The following PRELID2 variants were observed in gnomAD, a reference collection of about 807,000 sequenced individuals.
PRELID2 encodes the protein PRELI domain containing 2.
A neutral mutation model predicts 28.4 loss-of-function variants in PRELID2; 25 were observed. The observed-to-expected ratio is 0.88, with a 90% CI of 0.64 to 1.23. PRELID2 has a LOEUF of 1.23. Among genes scored for constraint, PRELID2 ranks in the 50% most tolerant of loss-of-function variants. The pLI, the probability that PRELID2 is intolerant of heterozygous loss-of-function variation, is 0.00. For missense variants in PRELID2, 201 were observed against 214.4 expected, an observed-to-expected ratio of 0.94 and a Z score of 0.39; for synonymous variants, 76 against 71.6, an observed-to-expected ratio of 1.06 and a Z score of -0.31.
intron 1 of PRELID2, among the ~76,000 whole-genome samples, chr5:145,738,763 G>C (rs1237293827): frequency 6.6e-6 from 1 of 152,112 alleles, no homozygotes; most frequent in Non-Finnish European, 1.5e-5. Context: ...CTCTTTGAGT[G>C]AGTACTCAAA....
intron 1 of PRELID2, among the ~76,000 whole-genome samples, chr5:145,640,445 C>A (rs1295926511): frequency 7.2e-6 from 1 of 138,976 alleles, no homozygotes; most frequent in Non-Finnish European, 1.5e-5. Flanking sequence ...CACTGCACTC[C>A]AGCCTGGGCG....
intron 1 of PRELID2, among the ~76,000 whole-genome samples, chr5:145,511,189 C>A (rs185969465): frequency 1.3e-5 from 2 of 152,302 alleles, no homozygotes; most frequent in Admixed American, 1.3e-4. Flanking sequence ...ACACAGGAAG[C>A]TATTTTTTCA....
chr5:145,314,728 G>A, the PRELID2 span, among the ~76,000 whole-genome samples: 4 of 151,742 alleles, frequency 2.6e-5, no homozygotes, highest in Non-Finnish European at 5.9e-5. Flanking sequence ...GGTCATCCCT[G>A]GGCACTATAA....
At chr5:145,329,736 C>T in the PRELID2 span, among the ~76,000 whole-genome samples, 2 of 152,182 alleles carry the variant, frequency 1.3e-5, no homozygotes, top group African/African-American at 4.8e-5. Context: ...ACAGAGACAA[C>T]TTGGCTTCTC....
At chr5:145,296,419 C>T in the PRELID2 span, among the ~76,000 whole-genome samples, 23 of 146,080 alleles carry the variant, frequency 1.6e-4, no homozygotes, top group African/African-American at 5.0e-4. Flanking sequence ...TCAATTCCCA[C>T]CTATGAGTGA....
chr5:145,300,041 A>G, the PRELID2 span, among the ~76,000 whole-genome samples: 1 of 152,086 alleles, frequency 6.6e-6, no homozygotes, highest in Non-Finnish European at 1.5e-5. Flanking sequence ...GTATTGTAAT[A>G]TATTGCAAAT....
At chr5:145,733,962 A>G (rs1285113430) in intron 1 of PRELID2, among the ~76,000 whole-genome samples, 1 of 152,122 alleles carries the variant, frequency 6.6e-6, no homozygotes, top group Non-Finnish European at 1.5e-5. Flanking sequence ...TCCAGAGTAT[A>G]ATTTAAAGAT....
the PRELID2 span, among the ~76,000 whole-genome samples, chr5:145,434,065 G>A: frequency 2.0e-5 from 3 of 152,228 alleles, no homozygotes; most frequent in East Asian, 3.9e-4. Flanking sequence ...GGGTCTTGAG[G>A]TTTTTCCCAT....
the PRELID2 span, among the ~76,000 whole-genome samples, chr5:145,385,354 ATT>A: frequency 1.3e-5 from 2 of 152,104 alleles, no homozygotes; most frequent in African/African-American, 4.8e-5. Context: ...GCCCTGAGTT[ATT>A]TGTCTATAAA....
chr5:145,718,525 T>A (rs1239358056), intron 1 of PRELID2, among the ~76,000 whole-genome samples: 1 of 151,950 alleles, frequency 6.6e-6, no homozygotes, highest in African/African-American at 2.4e-5. Context: ...AATTTCAACT[T>A]GAATGCATTT....
intron 1 of PRELID2, among the ~76,000 whole-genome samples, chr5:145,606,781 G>C (rs1360406667): frequency 2.6e-5 from 4 of 152,044 alleles, no homozygotes; most frequent in Non-Finnish European, 5.9e-5. Flanking sequence ...TGGCCTTATG[G>C]AATTAGTGAG....
the PRELID2 span, among the ~76,000 whole-genome samples, chr5:145,409,422 A>T: frequency 6.6e-6 from 1 of 152,328 alleles, no homozygotes; most frequent in Non-Finnish European, 1.5e-5. Context: ...TAAAAGATAC[A>T]GAATTGCAGA....
chr5:145,365,473 G>T, the PRELID2 span, among the ~76,000 whole-genome samples: 2 of 151,726 alleles, frequency 1.3e-5, no homozygotes, highest in Non-Finnish European at 2.9e-5. Context: ...CTTACACGTG[G>T]AGCCAACTGT....
intron 1 of PRELID2, among the ~76,000 whole-genome samples, chr5:145,829,165 T>G (rs1755422224): frequency 6.6e-6 from 1 of 152,088 alleles, no homozygotes; most frequent in African/African-American, 2.4e-5. Flanking sequence ...CCTTGCAAAG[T>G]GCTTGGATTA....
intron 1 of PRELID2, among the ~76,000 whole-genome samples, chr5:145,683,981 T>A (rs1304611405): frequency 6.6e-6 from 1 of 152,172 alleles, no homozygotes; most frequent in Non-Finnish European, 1.5e-5. Context: ...CACAAAGTTT[T>A]CTAGAGGGGA....
chr5:145,685,633 G>A (rs1323675691), intron 1 of PRELID2, among the ~76,000 whole-genome samples: 2 of 151,938 alleles, frequency 1.3e-5, no homozygotes, highest in East Asian at 3.9e-4. Context: ...CATTGTCTAT[G>A]AGTGTAGAGA....
At chr5:145,782,999 G>A (rs1258227828) in intron 5 of PRELID2, among the ~76,000 whole-genome samples, 1 of 152,214 alleles carries the variant, frequency 6.6e-6, no homozygotes, top group Non-Finnish European at 1.5e-5. Context: ...CCAAGACAGG[G>A]CCAGAGCCCA....
intron 1 of PRELID2, among the ~76,000 whole-genome samples, chr5:145,653,727 A>G (rs550368808): frequency 6.6e-6 from 1 of 152,354 alleles, no homozygotes; most frequent in East Asian, 1.9e-4. Flanking sequence ...ACATACCAGA[A>G]TCTCTGGGAC....
downstream of PRELID2, among the ~76,000 whole-genome samples, chr5:145,751,641 A>C (rs1581138841): frequency 6.6e-6 from 1 of 152,212 alleles, no homozygotes; most frequent in Non-Finnish European, 1.5e-5. Flanking sequence ...TGTAATATAA[A>C]AATACCATTT....
Sources: gnomAD v4.1 joint callset for allele counts (sites outside exome capture counted in the v4.1 genomes callset) on GRCh38, gnomAD v4.1.1 for gene constraint, MANE v1.5 for transcripts, NCBI Gene and HGNC (gene_info 2026-07-23, HGNC 2026-07-21) for gene names.